The following UBOX5 variants were observed in gnomAD, a reference collection of about 807,000 sequenced individuals.
The protein encoded by UBOX5 is RING finger protein 37.
Under a neutral mutation model 39.0 loss-of-function variants are expected in UBOX5, and 28 were observed. The ratio of observed to expected loss-of-function variants is 0.72; its 90% CI spans 0.53 to 0.98. The LOEUF is 0.98. Among genes scored for constraint, UBOX5 ranks in the 50% least tolerant of loss-of-function variants. UBOX5 has a pLI of 0.00. For missense variants in UBOX5, 585 were observed against 674.4 expected (o/e 0.87, Z 1.47); for synonymous variants, 283 against 275.5 (o/e 1.03, Z -0.27).
In UBOX5 at chr20:3,110,183, G is replaced by A; in HGVS notation, c.1549C>T (p.Gln517Ter). The A allele has an allele frequency of 6.2e-7, 1 of 1,613,832 alleles. No homozygotes were observed. Among genetic ancestry groups the A allele is most frequent in the Non-Finnish European group, 8.5e-7 (1 of 1,180,026 alleles). Residue 517 changes from glutamine (Q) to a stop codon, truncating the protein, a stop_gained, in exon 5 of 5, where the codon CAA (glutamine) becomes TAA (stop). Coordinates refer to ENST00000217173, the MANE Select transcript of UBOX5 (RefSeq NM_014948.4). LOFTEE classifies it high-confidence loss of function. Reference protein sequence around the residue: ...LLCRPCLGEKQRSLPMTCTAC... With the variant: ...LLCRPCLGEK ...GTGCACGTCATGGGCAGGGAGCGTTGCTTCTCACCCAGGCAGGGTCGGCAC... is the reference window on the plus strand; with the variant it reads ...GTGCACGTCATGGGCAGGGAGCGTTACTTCTCACCCAGGCAGGGTCGGCAC...
chr20:3,144,702 G>A (rs1026745025), intron 1 of UBOX5, among the ~76,000 whole-genome samples: 1 of 152,144 alleles, frequency 6.6e-6, no homozygotes, highest in Non-Finnish European at 1.5e-5. Flanking sequence ...CACATATATT[G>A]TATCTGTTAC....
intron 1 of UBOX5, among the ~76,000 whole-genome samples, chr20:3,158,444 T>C (rs1426691637): frequency 6.6e-6 from 1 of 151,610 alleles, no homozygotes; most frequent in Non-Finnish European, 1.5e-5. Context: ...CAGCACAGAG[T>C]CTTCAGATTT....
chr20:3,146,508 C>A, intron 1 of UBOX5: 1 of 338,874 alleles, frequency 3.0e-6, no homozygotes, highest in East Asian at 5.0e-5. Context: ...AAAGAAAAAT[C>A]CAACAAGGAC....
intron 1 of UBOX5, among the ~76,000 whole-genome samples, chr20:3,138,032 G>A (rs2066486703): frequency 6.6e-6 from 1 of 152,180 alleles, no homozygotes; most frequent in Non-Finnish European, 1.5e-5. Flanking sequence ...CGGCACTTTG[G>A]GAGGCCAAAG....
chr20:3,147,651 T>A, intron 1 of UBOX5: 1 of 1,614,208 alleles, frequency 6.2e-7, no homozygotes, highest in Non-Finnish European at 8.5e-7. Flanking sequence ...AGCAGGCAGG[T>A]GGGCAGGTGT....
At chr20:3,110,897 G>C (rs1459900859) in intron 4 of UBOX5, among the ~76,000 whole-genome samples, 1 of 151,830 alleles carries the variant, frequency 6.6e-6, no homozygotes, top group Non-Finnish European at 1.5e-5. Context: ...GGTTGGGGAA[G>C]TGTGAGAAGG....
chr20:3,158,061 GCCT>G (rs1184685651), intron 1 of UBOX5, among the ~76,000 whole-genome samples: 2 of 152,040 alleles, frequency 1.3e-5, no homozygotes, highest in African/African-American at 4.8e-5. Context: ...TCCCACCTCA[GCCT>G]CCTAAGTAGC....
chr20:3,148,312 G>C, intron 1 of UBOX5: 2 of 1,613,790 alleles, frequency 1.2e-6, no homozygotes, highest in Non-Finnish European at 1.7e-6. Flanking sequence ...TGCGGCCTAA[G>C]TACCTCCAGA....
At chr20:3,121,166 A>T (rs1472901272) in intron 3 of UBOX5, among the ~76,000 whole-genome samples, 2 of 152,202 alleles carry the variant, frequency 1.3e-5, no homozygotes, top group South Asian at 4.1e-4. Context: ...GGAACAGATG[A>T]GAATAGACGA....
chr20:3,154,819 G>A (rs924786968), intron 1 of UBOX5, among the ~76,000 whole-genome samples: 1 of 152,016 alleles, frequency 6.6e-6, no homozygotes, highest in African/African-American at 2.4e-5. Context: ...TATATTGGGA[G>A]GATAAAGTGA....
At chr20:3,142,472 TG>T (rs2066525165) in intron 1 of UBOX5, among the ~76,000 whole-genome samples, 1 of 151,492 alleles carries the variant, frequency 6.6e-6, no homozygotes, top group Admixed American at 6.6e-5. Context: ...GGCGTAGTGG[TG>T]GGTGCCTATA....
At chr20:3,152,528 T>C (rs2066641469) in intron 1 of UBOX5, among the ~76,000 whole-genome samples, 1 of 151,402 alleles carries the variant, frequency 6.6e-6, no homozygotes. Context: ...AAGACCTACT[T>C]TCGAATTTGG....
intron 4 of UBOX5, among the ~76,000 whole-genome samples, chr20:3,110,983 C>A (rs1448875971): frequency 6.6e-6 from 1 of 152,226 alleles, no homozygotes; most frequent in African/African-American, 2.4e-5. Context: ...TTCAGCCCTG[C>A]AGCCTGCAGC....
chr20:3,146,847 G>A lies in UBOX5; in HGVS notation c.-42+12919C>T, dbSNP rs150186586. Reference sequence around the variant, plus strand: ...TCTAAGCGAGTTCGTTTCAGTAGTGGGAGCCATTCCCAGTAGGATAACTCT... The same window carrying A: ...TCTAAGCGAGTTCGTTTCAGTAGTGAGAGCCATTCCCAGTAGGATAACTCT... On this transcript the variant is annotated intron_variant, in intron 1 of 4. Coordinates refer to ENST00000217173, the MANE Select transcript of UBOX5 (RefSeq NM_014948.4). 123 of 1,614,152 alleles carry A rather than the reference G, an allele frequency of 7.6e-5. No homozygotes were observed. The African/African-American group carries it at 1.5e-3, about 19-fold the overall frequency.
chr20:3,121,771 C>T lies in UBOX5; in HGVS notation c.868G>A (p.Glu290Lys). 6.2e-7 allele frequency: 1 copy of T among 1,614,106 alleles called. No individual in the cohort carries two copies. The highest frequency in any genetic ancestry group is 8.5e-7 in the Non-Finnish European group (1 of 1,180,030). The change falls in exon 3 of 5, where the codon GAG (glutamate) becomes AAG (lysine). Residue 290 changes from glutamate to lysine, a missense_variant. By Grantham distance (56) the Glu-to-Lys change is moderately conservative. Transcript: ENST00000217173. ...GTGGCTTCACTGCGGTTACACTTCT[C>T]CAGTGTGCTCTGGTCGATGACCTTG... ...SGKVIDQSTL[E>K]KCNRSEATWG...
At chr20:3,127,514 A>G (rs2066400048) in intron 1 of UBOX5, among the ~76,000 whole-genome samples, 1 of 152,220 alleles carries the variant, frequency 6.6e-6, no homozygotes, top group Admixed American at 6.5e-5. Flanking sequence ...CATGTAAGCC[A>G]GAGGAAGGTC....
chr20:3,158,510 C>G (rs943427920), intron 1 of UBOX5, among the ~76,000 whole-genome samples: 4 of 151,934 alleles, frequency 2.6e-5, no homozygotes, highest in Admixed American at 6.6e-5. Context: ...CTCTCGCTCT[C>G]TCGCCCAGGC....
chr20:3,111,082 C>T (rs1468311313), intron 4 of UBOX5, among the ~76,000 whole-genome samples: 1 of 152,162 alleles, frequency 6.6e-6, no homozygotes, highest in Non-Finnish European at 1.5e-5. Flanking sequence ...TCCCTTCTTC[C>T]GCAACTCCTT....
At chr20:3,151,369 C>CT (rs2066622884) in intron 1 of UBOX5, among the ~76,000 whole-genome samples, 1 of 152,190 alleles carries the variant, frequency 6.6e-6, no homozygotes, top group African/African-American at 2.4e-5. Flanking sequence ...TGCTTTCCTG[C>CT]TACAAGAGCA....
Sources: gnomAD v4.1 joint callset for allele counts (sites outside exome capture counted in the v4.1 genomes callset) on GRCh38, gnomAD v4.1.1 for gene constraint, MANE v1.5 for transcripts, NCBI Gene and HGNC (gene_info 2026-07-23, HGNC 2026-07-21) for gene names.